Variants in CYP4B1 observed in about 807,000 individuals in gnomAD.
CYP4B1 encodes the protein cytochrome P450 family 4 subfamily B member 1, also known as cytochrome P450 4B1.
A neutral mutation model predicts 54.0 loss-of-function variants in CYP4B1; 45 were observed. The observed-to-expected ratio is 0.83, with a 90% CI of 0.66 to 1.07. CYP4B1 has a LOEUF of 1.07. CYP4B1 is among the 50% of genes least tolerant of loss of function. The pLI is 0.00. For synonymous variants in CYP4B1, 248 were observed against 247.5 expected (o/e 1.00, Z -0.02); for missense variants, 656 against 655.4 (o/e 1.00, Z -0.01).
Position 46,813,931 on chromosome 1 carries a change from G to T in CYP4B1, c.643G>T (p.Ala215Ser). 6.2e-7 allele frequency: 1 copy of T among 1,614,110 alleles called. No homozygotes were observed. Among genetic ancestry groups the T allele is most frequent in the South Asian group, 1.1e-5 (1 of 91,072 alleles). The change falls in exon 6 of 12, where the codon GCA (alanine) becomes TCA (serine). Residue 215 changes from alanine to serine, a missense_variant. Transcript: ENST00000371923. ...GHSRDSSYYL[A>S]VSDLTLLMQQ... ...TAGCAGGGACAGCAGCTACTACCTTGCAGTCAGCGATCTCACTCTGTTGAT... is the reference window on the plus strand; with the variant it reads ...TAGCAGGGACAGCAGCTACTACCTTTCAGTCAGCGATCTCACTCTGTTGAT...
Position 46,818,684 on chromosome 1 carries a change from T to A in CYP4B1, c.1409T>A (p.Met470Lys), listed in dbSNP as rs531347455. 2.7e-5 allele frequency: 44 copies of A among 1,614,210 alleles called. No individual in the cohort carries two copies. In the South Asian group the frequency reaches 4.7e-4, roughly 17 times the overall value. Residue 470 changes from methionine (M) to lysine (K), a missense_variant, in exon 12 of 12, where the codon ATG (methionine) becomes AAG (lysine). Coordinates refer to ENST00000371923, the MANE Select transcript of CYP4B1 (RefSeq NM_001099772.2). ...AMSEMKVVTA[M>K]CLLRFEFSLD... ...AGTGAGATGAAGGTGGTCACAGCCATGTGCTTGCTCCGCTTTGAGTTCTCT... is the reference window on the plus strand; with the variant it reads ...AGTGAGATGAAGGTGGTCACAGCCAAGTGCTTGCTCCGCTTTGAGTTCTCT...
chr1:46,809,757 G>A lies in CYP4B1; in HGVS notation c.181-1051G>A, dbSNP rs45570433. ...TATCTTTGAAAGACTCCCACTAAATGGGGAAAAATAGTTAAATACATTATG... is the reference window on the plus strand; with the variant it reads ...TATCTTTGAAAGACTCCCACTAAATAGGGAAAAATAGTTAAATACATTATG... On this transcript the variant is annotated intron_variant, in intron 1 of 11. Transcript: ENST00000371923. 7.4e-3 allele frequency among the ~76,000 whole-genome samples: 1,130 copies of A among 152,224 alleles called. 8 individuals carry two copies. The highest frequency in any genetic ancestry group is 0.026 in the African/African-American group (1,080 of 41,526).
Position 46,812,478 on chromosome 1 carries a change from C to T in CYP4B1, c.368-18C>T. The stretch of plus-strand genomic sequence containing the variant: ...GGGCCTGGACTGACCAGCCCTCTCT[C>T]TCCCATCCCTTCCCCAGGGAGAGGC... On this transcript the variant is annotated intron_variant, in intron 3 of 11. Coordinates refer to ENST00000371923, the MANE Select transcript of CYP4B1 (RefSeq NM_001099772.2). The T allele has an allele frequency of 6.2e-7, 1 of 1,607,434 alleles. No individual in the cohort carries two copies. Among genetic ancestry groups the T allele is most frequent in the Non-Finnish European group, 8.5e-7 (1 of 1,176,770 alleles).
chr1:46,810,331 G>T (rs1679046805), intron 1 of CYP4B1, among the ~76,000 whole-genome samples: 1 of 152,222 alleles, frequency 6.6e-6, no homozygotes, highest in Non-Finnish European at 1.5e-5. Context: ...TGAAAGGGCA[G>T]AACTTGTCTG....
intron 1 of CYP4B1, 108 bp downstream of exon 1, chr1:46,799,369 G>C (rs1445649197): frequency 9.1e-6 from 9 of 992,828 alleles, no homozygotes; most frequent in Non-Finnish European, 1.3e-5. Flanking sequence ...AACTTGGGCA[G>C]GGGGATGATG....
At chr1:46,816,475 A>C (rs1386821351) in intron 8 of CYP4B1, among the ~76,000 whole-genome samples, 2 of 152,120 alleles carry the variant, frequency 1.3e-5, no homozygotes, top group Non-Finnish European at 2.9e-5. Flanking sequence ...GCAAATGAAA[A>C]ATAAGAGCCA....
At position 46,818,890 on chromosome 1, in the gene CYP4B1, A is replaced by G. The variant is rs1291488235; in HGVS notation, c.*76A>G. The G allele has an allele frequency of 3.3e-6, 5 of 1,511,088 alleles. No homozygotes were observed. In the South Asian group the frequency reaches 4.8e-5, roughly 15 times the overall value. 93.6% of individuals were successfully genotyped at this position (1,511,088 alleles called of 1,614,324 possible). Reference sequence around the variant, plus strand: ...ACCACCCTCCCCAGGCTGGGTGTGGAGGAGTTGGGGCCCCCTGCCTTCAGG... The same window carrying G: ...ACCACCCTCCCCAGGCTGGGTGTGGGGGAGTTGGGGCCCCCTGCCTTCAGG... On this transcript the variant is annotated 3_prime_UTR_variant, in exon 12 of 12. Coordinates refer to ENST00000371923, the MANE Select transcript of CYP4B1 (RefSeq NM_001099772.2).
In CYP4B1 at chr1:46,818,920, T is replaced by C; in HGVS notation, c.*106T>C. ...TTGGGGCCCCCTGCCTTCAGGAGGC[T>C]TGTAGTTTAGAAGGGAAGTAGGCAT... On this transcript the variant is annotated 3_prime_UTR_variant, in exon 12 of 12. Coordinates refer to ENST00000371923, the MANE Select transcript of CYP4B1 (RefSeq NM_001099772.2). 9.7e-7 allele frequency: 1 copy of C among 1,026,314 alleles called. No individual in the cohort carries two copies. The highest frequency in any genetic ancestry group is 1.4e-6 in the Non-Finnish European group (1 of 695,418). The allele number at this position is 1,026,314 out of a possible 1,614,324, so 63.6% of individuals were successfully genotyped here. A position where few individuals can be genotyped will look rare whatever the true frequency, so the allele number is the denominator to read the frequency against.
chr1:46,814,975 C>T lies in CYP4B1; in HGVS notation c.883-99C>T, dbSNP rs970421580. On this transcript the variant is annotated intron_variant, in intron 7 of 11. Transcript: ENST00000371923. ...CACCCTCTGAAAAGGAGCTTTCACTCCCTCCCAGAGACCTTCATTTGACAA... is the reference window on the plus strand; with the variant it reads ...CACCCTCTGAAAAGGAGCTTTCACTTCCTCCCAGAGACCTTCATTTGACAA... The T allele has an allele frequency of 3.0e-5, 32 of 1,069,906 alleles. No homozygotes were observed. In the Admixed American group the frequency reaches 5.6e-4, roughly 19 times the overall value. The allele number at this position is 1,069,906 out of a possible 1,614,324, so 66.3% of individuals were successfully genotyped here.
intron 1 of CYP4B1, among the ~76,000 whole-genome samples, chr1:46,799,601 C>T (rs3766209): frequency 0.077 from 11,730 of 152,322 alleles, 653 homozygotes; most frequent in East Asian, 0.16. Flanking sequence ...CTGGATAGTA[C>T]ATAGAAGTAG....
At chr1:46,799,342 T>C (rs2148390314) in intron 1 of CYP4B1, 81 bp downstream of exon 1, 6 of 1,341,352 alleles carry the variant, frequency 4.5e-6, no homozygotes, top group Non-Finnish European at 5.1e-6. Flanking sequence ...CCCAGGGGGC[T>C]GTGGAGGGAG....
chr1:46,800,403 T>A (rs1678610091), intron 1 of CYP4B1, among the ~76,000 whole-genome samples: 1 of 151,510 alleles, frequency 6.6e-6, no homozygotes, highest in Non-Finnish European at 1.5e-5. Flanking sequence ...CAATTTTGGC[T>A]CACTGCAACC....
chr1:46,809,025 C>T (rs949719257), intron 1 of CYP4B1, among the ~76,000 whole-genome samples: 9 of 149,632 alleles, frequency 6.0e-5, no homozygotes, highest in South Asian at 2.1e-4. Flanking sequence ...TGCTAGATGA[C>T]GAGTTAGTGG....
chr1:46,808,151 T>C (rs1218718346), intron 1 of CYP4B1, among the ~76,000 whole-genome samples: 1 of 150,614 alleles, frequency 6.6e-6, no homozygotes, highest in African/African-American at 2.4e-5. Flanking sequence ...GAGAGAGAGG[T>C]GCCAGACTCT....
At chr1:46,803,784 G>A (rs1034696439) in intron 1 of CYP4B1, among the ~76,000 whole-genome samples, 4 of 152,162 alleles carry the variant, frequency 2.6e-5, no homozygotes, top group Admixed American at 2.0e-4. Context: ...AGGAGGGGCT[G>A]CCTCCACAGG....
At chr1:46,812,910 A>G (rs1160498118) in intron 4 of CYP4B1, among the ~76,000 whole-genome samples, 3 of 152,190 alleles carry the variant, frequency 2.0e-5, no homozygotes, top group Non-Finnish European at 4.4e-5. Context: ...TCTCTGTGAG[A>G]ACTTAATAAG....
At chr1:46,799,565 A>G (rs1678528072) in intron 1 of CYP4B1, among the ~76,000 whole-genome samples, 1 of 152,230 alleles carries the variant, frequency 6.6e-6, no homozygotes, top group South Asian at 2.1e-4. Context: ...CAATGACAGA[A>G]AGGCAATGGC....
In CYP4B1 at chr1:46,816,941, T is replaced by A. The variant is rs1465756057; in HGVS notation, c.1074-107T>A. 5 of 1,325,138 alleles carry A rather than the reference T, an allele frequency of 3.8e-6. No individual in the cohort carries two copies. The East Asian group carries it at 9.3e-5, about 25-fold the overall frequency. 82.1% of individuals were successfully genotyped at this position (1,325,138 alleles called of 1,614,324 possible). A position where few individuals can be genotyped will look rare whatever the true frequency, so the allele number is the denominator to read the frequency against. On this transcript the variant is annotated intron_variant, in intron 8 of 11. Transcript: ENST00000371923. ...ACTTGGAACTCTGTGCCTCTGACTC[T>A]TGAGTGTGTGGTGGTGGTGAGGGAG...
At chr1:46,814,897 G>C in intron 7 of CYP4B1, 177 bp from the exon 8 acceptor site, 1 of 607,410 alleles carries the variant, frequency 1.6e-6, no homozygotes, top group Non-Finnish European at 2.9e-6. Flanking sequence ...GGAGGAGGAG[G>C]CATCCAGGCT....
Sources: gnomAD v4.1 joint callset for allele counts (sites outside exome capture counted in the v4.1 genomes callset) on GRCh38, gnomAD v4.1.1 for gene constraint, MANE v1.5 for transcripts, NCBI Gene and HGNC (gene_info 2026-07-23, HGNC 2026-07-21) for gene names.